The following SCAMP1 variants were observed in gnomAD, a reference collection of about 807,000 sequenced individuals.
SCAMP1 encodes secretory carrier membrane protein 1, also known as secretory carrier-associated membrane protein 1.
A neutral mutation model predicts 41.8 loss-of-function variants in SCAMP1; 15 were observed. The ratio of observed to expected loss-of-function variants is 0.36; its 90% confidence interval spans 0.24 to 0.55. SCAMP1 has a LOEUF of 0.55. SCAMP1 is among the 20% of genes least tolerant of loss of function. SCAMP1 has a pLI of 0.86. For missense variants in SCAMP1, 341 were observed against 412.6 expected, an observed-to-expected ratio of 0.83 and a Z score of 1.50; for synonymous variants, 135 against 136.8, an observed-to-expected ratio of 0.99 and a Z score of 0.09.
rs1363043974 is a variant in SCAMP1, at chr5:78,459,331, C to G, written c.821C>G (p.Ser274Ter). The G allele has an allele frequency of 6.3e-7, 1 of 1,593,394 alleles. No homozygotes were observed. The highest frequency in any genetic ancestry group is 8.6e-7 in the Non-Finnish European group (1 of 1,162,210). The change falls in exon 8 of 9, where the codon TCA becomes TGA. Residue 274 changes from serine (S) to a stop codon, truncating the protein, a stop_gained. Transcript: ENST00000621999. LOFTEE classifies it high-confidence loss of function. ...ATCATAGCAGCACTTTTCACAGCAT[C>G]AGCAGTCATCTCACTAGTTATGTTC... is the stretch of plus-strand genomic sequence containing the variant. ...MIIIAALFTASAVISLVMFKK... is the reference protein window; with the variant it reads ...MIIIAALFTA
intron 1 of SCAMP1, among the ~76,000 whole-genome samples, chr5:78,370,211 G>T (rs562218925): frequency 6.6e-6 from 1 of 152,232 alleles, no homozygotes; most frequent in Non-Finnish European, 1.5e-5. Context: ...AAGGGTGATA[G>T]AGTTAAGCCT....
chr5:78,378,662 C>T (rs1461109574), intron 1 of SCAMP1, among the ~76,000 whole-genome samples: 1 of 152,168 alleles, frequency 6.6e-6, no homozygotes, highest in African/African-American at 2.4e-5. Flanking sequence ...AGTGGCATTA[C>T]TAGAGTATTG....
chr5:78,460,373 C>T (rs948488457), intron 8 of SCAMP1, among the ~76,000 whole-genome samples: 23 of 152,168 alleles, frequency 1.5e-4, no homozygotes, highest in Admixed American at 1.2e-3. Flanking sequence ...TTCCCGTCAA[C>T]GGTATATAAG....
chr5:78,367,655 A>G (rs1750831939), intron 1 of SCAMP1, among the ~76,000 whole-genome samples: 2 of 152,206 alleles, frequency 1.3e-5, no homozygotes, highest in Admixed American at 6.5e-5. Context: ...GTGGCAAGCA[A>G]TAGGCTCCAC....
At chr5:78,425,580 A>C (rs1968382) in intron 6 of SCAMP1, among the ~76,000 whole-genome samples, 55,540 of 152,018 alleles carry the variant, frequency 0.37, 11,402 homozygotes, top group East Asian at 0.83. Flanking sequence ...GTAGCTGTGC[A>C]AATACTTTTT....
At chr5:78,378,520 A>G (rs1252695571) in intron 1 of SCAMP1, among the ~76,000 whole-genome samples, 1 of 152,246 alleles carries the variant, frequency 6.6e-6, no homozygotes, top group Non-Finnish European at 1.5e-5. Flanking sequence ...GAAACCTAGT[A>G]TTGAAGATAT....
chr5:78,459,453 C>A, intron 8 of SCAMP1, 91 bp downstream of exon 8: 1 of 667,512 alleles, frequency 1.5e-6, no homozygotes. Context: ...TAACCTGAAG[C>A]CATTTTATCG....
intron 8 of SCAMP1, among the ~76,000 whole-genome samples, chr5:78,462,906 C>T (rs941159050): frequency 6.6e-6 from 1 of 152,092 alleles, no homozygotes. Flanking sequence ...ATGAAAAAGA[C>T]TTTTTGATAG....
intron 2 of SCAMP1, among the ~76,000 whole-genome samples, chr5:78,399,386 AAACTGCCAAACTAT>A (rs1751743826): frequency 6.6e-6 from 1 of 152,238 alleles, no homozygotes; most frequent in South Asian, 2.1e-4. Flanking sequence ...GTTTTGTAAG[AAACTGCCAAACTAT>A]CTTTCAAAGT....
intron 6 of SCAMP1, among the ~76,000 whole-genome samples, chr5:78,426,961 C>T (rs569508268): frequency 6.6e-6 from 1 of 152,148 alleles, no homozygotes; most frequent in Non-Finnish European, 1.5e-5. Context: ...TTTATGCATT[C>T]ACCAGTTAAT....
Position 78,424,594 on chromosome 5 carries a change from C to T in SCAMP1, c.632+2634C>T, listed in dbSNP as rs149324632. Reference sequence around the variant, plus strand: ...AAAATACAAAAAATTAGCTGAGTATCGTGGCATGTTTCTGTAATCCCAGCT... The same window carrying T: ...AAAATACAAAAAATTAGCTGAGTATTGTGGCATGTTTCTGTAATCCCAGCT... On this transcript the variant is annotated intron_variant, in intron 6 of 8. Coordinates refer to ENST00000621999, the MANE Select transcript of SCAMP1 (RefSeq NM_004866.6). Among the ~76,000 whole-genome samples, 112 of 152,074 alleles carry T rather than the reference C, an allele frequency of 7.4e-4. 1 individual carries two copies. The highest frequency in any genetic ancestry group is 4.0e-4 in the Non-Finnish European group (27 of 67,996).
intron 2 of SCAMP1, among the ~76,000 whole-genome samples, chr5:78,399,435 G>T (rs1211865314): frequency 6.6e-6 from 1 of 152,222 alleles, no homozygotes; most frequent in African/African-American, 2.4e-5. Flanking sequence ...ACTCCAACCA[G>T]CAATGAATGA....
At chr5:78,455,389 G>A (rs995325922) in intron 7 of SCAMP1, among the ~76,000 whole-genome samples, 6 of 126,362 alleles carry the variant, frequency 4.7e-5, no homozygotes, top group Admixed American at 2.2e-4. Context: ...CTGTGTCTTT[G>A]TTCTCATTGG....
chr5:78,464,029 G>C (rs1403785600), intron 8 of SCAMP1, among the ~76,000 whole-genome samples: 1 of 152,218 alleles, frequency 6.6e-6, no homozygotes, highest in Non-Finnish European at 1.5e-5. Context: ...CCAGGCTGGA[G>C]TGCAGTGGCG....
intron 7 of SCAMP1, chr5:78,457,994 C>G (rs892353470): frequency 6.5e-6 from 1 of 152,884 alleles, no homozygotes; most frequent in Non-Finnish European, 1.5e-5. Context: ...AGGGAACTCC[C>G]TGACCTCTTG....
chr5:78,415,554 C>T lies in SCAMP1; in HGVS notation c.170C>T (p.Pro57Leu). The change falls in exon 3 of 9, where the codon CCC becomes CTC. Residue 57 changes from proline to leucine, a missense_variant. Transcript: ENST00000621999. The stretch of plus-strand genomic sequence containing the variant: ...GGCGGTGTGAAGATGCCTAATGTAC[C>T]CAATACACAACCAGCAATAATGAAA... Reference protein sequence around the residue: ...PPGGVKMPNVPNTQPAIMKPT... With the variant: ...PPGGVKMPNVLNTQPAIMKPT... The T allele has an allele frequency of 6.2e-7, 1 of 1,607,670 alleles. No individual in the cohort carries two copies.
At chr5:78,430,098 AATACAGTATTTATTT>A (rs1752569258) in intron 6 of SCAMP1, among the ~76,000 whole-genome samples, 4 of 71,918 alleles carry the variant, frequency 5.6e-5, no homozygotes, top group Admixed American at 1.3e-4. Context: ...TTTATTTATA[AATACAGTATTTATTT>A]ATAAATACAG....
At chr5:78,415,085 C>T (rs907616730) in intron 2 of SCAMP1, among the ~76,000 whole-genome samples, 2 of 151,934 alleles carry the variant, frequency 1.3e-5, no homozygotes, top group African/African-American at 4.8e-5. Flanking sequence ...TCCCAAGTAG[C>T]TGGGATTACA....
chr5:78,475,354 T>C, intron 8 of SCAMP1, 150 bp from the exon 9 acceptor site: 1 of 462,330 alleles, frequency 2.2e-6, no homozygotes, highest in Non-Finnish European at 3.8e-6. Context: ...ACAATTATTG[T>C]GTGTCAGTTT....
Sources: gnomAD v4.1 joint callset for allele counts (sites outside exome capture counted in the v4.1 genomes callset) on GRCh38, gnomAD v4.1.1 for gene constraint, MANE v1.5 for transcripts, NCBI Gene and HGNC (gene_info 2026-07-23, HGNC 2026-07-21) for gene names.